EIF4ENIF1: variants seen among roughly 807,000 people sequenced by gnomAD.
EIF4ENIF1 encodes eukaryotic translation initiation factor 4E transporter.
In EIF4ENIF1, 23 loss-of-function variants were observed where a neutral mutation model predicts 110.5. That is an observed-to-expected ratio of 0.21 (90% CI 0.15 to 0.29). The LOEUF (loss-of-function observed/expected upper bound fraction) is 0.29. Ranked by LOEUF, EIF4ENIF1 falls within the 10% of genes least tolerant of loss-of-function variation. The pLI, the probability that EIF4ENIF1 is intolerant of heterozygous loss-of-function variation, is 1.00. For missense variants in EIF4ENIF1, 1,031 were observed against 1,221.1 expected (o/e 0.84, Z 2.32); for synonymous variants, 440 against 437.0 (o/e 1.01, Z -0.09).
At position 31,439,820 on chromosome 22, in the gene EIF4ENIF1, G is replaced by A. The variant is rs2050235291; in HGVS notation, c.*60C>T. The A allele has an allele frequency of 6.3e-7, 1 of 1,586,028 alleles. No homozygotes were observed. The highest frequency in any genetic ancestry group is 8.5e-7 in the Non-Finnish European group (1 of 1,173,122). ...AGCCCATAAACCAACCCGAGATGAA[G>A]CAGGGTCCTGCCCAGTGTGCCACCA... On this transcript the variant is annotated 3_prime_UTR_variant, in exon 19 of 19. Transcript: ENST00000330125.
intron 3 of EIF4ENIF1, among the ~76,000 whole-genome samples, chr22:31,469,378 C>T (rs1264206582): frequency 3.3e-5 from 5 of 152,200 alleles, no homozygotes; most frequent in Admixed American, 6.5e-5. Context: ...TTGATTATAT[C>T]CTTCCATAGA....
chr22:31,450,578 T>G (rs2050615280), intron 10 of EIF4ENIF1: 1 of 417,844 alleles, frequency 2.4e-6, no homozygotes, highest in South Asian at 2.2e-5. Context: ...CAAAGTCCCC[T>G]CAGAGATCCT....
chr22:31,482,932 G>A, intron 2 of EIF4ENIF1, among the ~76,000 whole-genome samples: 1 of 151,242 alleles, frequency 6.6e-6, no homozygotes, highest in South Asian at 2.1e-4. Flanking sequence ...GCTGAGGTAG[G>A]GAAATTGCTT....
At chr22:31,459,734 C>G (rs960944147) in intron 6 of EIF4ENIF1, among the ~76,000 whole-genome samples, 1 of 137,152 alleles carries the variant, frequency 7.3e-6, no homozygotes, top group African/African-American at 2.7e-5. Context: ...TTTAAGGCAT[C>G]TGACATCTTA....
intron 10 of EIF4ENIF1, chr22:31,450,668 C>G (rs751039399): frequency 3.8e-5 from 12 of 317,418 alleles, no homozygotes; most frequent in Non-Finnish European, 6.1e-5. Flanking sequence ...CCGGGGAACA[C>G]TTACTTGAGA....
At chr22:31,459,774 C>G (rs1477223402) in intron 6 of EIF4ENIF1, among the ~76,000 whole-genome samples, 1 of 75,726 alleles carries the variant, frequency 1.3e-5, no homozygotes, top group Non-Finnish European at 3.1e-5. Flanking sequence ...ATTTTAAATA[C>G]ATAGCAAGGG....
intron 2 of EIF4ENIF1, among the ~76,000 whole-genome samples, chr22:31,486,271 A>G (rs75230659): frequency 3.7e-3 from 7 of 1,872 alleles, no homozygotes; most frequent in African/African-American, 0.016. Flanking sequence ...ACTCCGTCTC[A>G]AAAAAAAAAA....
intron 2 of EIF4ENIF1, among the ~76,000 whole-genome samples, chr22:31,485,305 G>A (rs1202697024): frequency 6.6e-6 from 1 of 152,156 alleles, no homozygotes; most frequent in Non-Finnish European, 1.5e-5. Context: ...GAATTCTGAG[G>A]CTGGACTGTC....
intron 3 of EIF4ENIF1, among the ~76,000 whole-genome samples, chr22:31,469,434 G>A (rs2051291166): frequency 1.3e-5 from 2 of 152,188 alleles, no homozygotes; most frequent in African/African-American, 4.8e-5. Flanking sequence ...ATCTGGCACA[G>A]TATTTATGAC....
intron 15 of EIF4ENIF1, chr22:31,444,389 G>T: frequency 2.0e-6 from 1 of 496,590 alleles, no homozygotes; most frequent in Non-Finnish European, 3.7e-6. Flanking sequence ...ATCTCTGCTG[G>T]AACATATTTT....
intron 14 of EIF4ENIF1, among the ~76,000 whole-genome samples, chr22:31,445,217 T>G (rs1401961093): frequency 3.3e-5 from 5 of 152,094 alleles, no homozygotes; most frequent in African/African-American, 1.2e-4. Flanking sequence ...TGCCTGTGCT[T>G]CACTGGGCAG....
intron 6 of EIF4ENIF1, among the ~76,000 whole-genome samples, chr22:31,462,484 CAA>C (rs11418470): frequency 2.2e-5 from 3 of 137,262 alleles, no homozygotes; most frequent in Admixed American, 7.3e-5. Context: ...GACTCCGTCT[CAA>C]AAAAAAAAAA....
intron 16 of EIF4ENIF1, 31 bp from the exon 17 acceptor site, chr22:31,442,149 CA>C: frequency 6.5e-7 from 1 of 1,540,252 alleles, no homozygotes; most frequent in Non-Finnish European, 8.9e-7. Context: ...AATATTTTGG[CA>C]AACCTCTCCC....
At chr22:31,482,675 C>T (rs546570579) in intron 2 of EIF4ENIF1, among the ~76,000 whole-genome samples, 1 of 149,424 alleles carries the variant, frequency 6.7e-6, no homozygotes, top group African/African-American at 2.5e-5. Flanking sequence ...GAGTGAGACG[C>T]GGTCTCAAAA....
upstream of EIF4ENIF1, among the ~76,000 whole-genome samples, chr22:31,490,565 C>T (rs2052241615): frequency 6.6e-6 from 1 of 152,140 alleles, no homozygotes; most frequent in Non-Finnish European, 1.5e-5. Context: ...TTGTTTCCCT[C>T]CGGTAACCTG....
At chr22:31,490,808 TA>T (rs1209308937), upstream of EIF4ENIF1, among the ~76,000 whole-genome samples, 1 of 152,202 alleles carries the variant, frequency 6.6e-6, no homozygotes, top group Non-Finnish European at 1.5e-5. Flanking sequence ...TGTGAAGCGA[TA>T]CATAGGCGTG....
upstream of EIF4ENIF1, among the ~76,000 whole-genome samples, chr22:31,493,436 A>G (rs972226778): frequency 2.0e-5 from 3 of 146,560 alleles, no homozygotes; most frequent in African/African-American, 7.6e-5. Flanking sequence ...AGCAATTCTC[A>G]TGCCTCAGCC....
rs2050754422 is a variant in EIF4ENIF1 at position 31,454,297 on chromosome 22, A to G, written c.1359T>C (p.Asn453=). The change falls in exon 10 of 19, where the codon AAT becomes AAC. Residue 453 remains asparagine, a synonymous_variant. Transcript: ENST00000330125. ...KGLKVDQQVK[N]STPFMAEHLE... ...GGTGTTCTGCCATGAAGGGAGTTGA[A>G]TTCTTCACTTGCTGGTCAACCTTCA... 6.2e-7 allele frequency: 1 copy of G among 1,614,150 alleles called. No homozygotes were observed. The highest frequency in any genetic ancestry group is 8.5e-7 in the Non-Finnish European group (1 of 1,180,022).
chr22:31,465,323 CAAA>C (rs544872114), intron 4 of EIF4ENIF1, among the ~76,000 whole-genome samples: 2 of 60,864 alleles, frequency 3.3e-5, no homozygotes, highest in Non-Finnish European at 7.4e-5. Context: ...GACTCTGTCT[CAAA>C]AAAAAAAAAA....
Sources: allele counts gnomAD v4.1 joint callset (sites outside exome capture counted in the v4.1 genomes callset), GRCh38; gene constraint gnomAD v4.1.1; transcripts MANE v1.5; gene names NCBI Gene and HGNC (gene_info 2026-07-23, HGNC 2026-07-21).